Variants in ZFAND3 observed in about 807,000 individuals in gnomAD.
The protein encoded by ZFAND3 is zinc finger AN1-type containing 3, also known as AN1-type zinc finger protein 3.
In ZFAND3, 10 loss-of-function variants were observed where a neutral mutation model predicts 29.6. The ratio of observed to expected loss-of-function variants is 0.34; its 90% CI spans 0.21 to 0.57. The LOEUF is 0.57. ZFAND3 is among the 20% of genes least tolerant of loss of function. The probability of loss-of-function intolerance (pLI) is 0.86; values close to 1 mark genes in which losing one functional copy is unlikely to be tolerated. For synonymous variants in ZFAND3, 128 were observed against 112.6 expected (o/e 1.14, Z -0.87); for missense variants, 230 against 304.5 (o/e 0.76, Z 1.82).
At chr6:38,151,974 G>A (rs1433694687) in intron 5 of ZFAND3, among the ~76,000 whole-genome samples, 1 of 152,122 alleles carries the variant, frequency 6.6e-6, no homozygotes, top group Admixed American at 6.5e-5. Context: ...GCTGTGTCTC[G>A]CAGCCATCAA....
chr6:37,896,576 T>TTCTCTCTC (rs1206243927), intron 1 of ZFAND3, among the ~76,000 whole-genome samples: 1 of 138,904 alleles, frequency 7.2e-6, no homozygotes, highest in Non-Finnish European at 1.6e-5. Flanking sequence ...CTTTCTCTCT[T>TTCTCTCTC]TCTCTCTCTT....
At position 38,061,736 on chromosome 6, in the gene ZFAND3, C is replaced by G; in HGVS notation, c.256C>G (p.Pro86Ala). 6.2e-6 allele frequency: 10 copies of G among 1,614,164 alleles called. No homozygotes were observed. Among genetic ancestry groups the G allele is most frequent in the Non-Finnish European group, 8.5e-6 (10 of 1,180,018 alleles). The change falls in exon 3 of 6, where the codon CCG becomes GCG. Residue 86 changes from proline to alanine, a missense_variant. This residue lies in a region of ZFAND3 where 180 missense variants were observed against 202.5 expected (regional missense o/e 0.89). Coordinates refer to ENST00000287218, the MANE Select transcript of ZFAND3 (RefSeq NM_021943.3). The stretch of plus-strand genomic sequence containing the variant: ...TCTTAGTCCCAGCCAGCAGCCGCTT[C>G]CGACAGAACTGAATGTAACTTCACC... ...PTLSPSQQPL[P>A]TELNVTSPSK...
chr6:37,919,227 C>T (rs770952348), intron 1 of ZFAND3, among the ~76,000 whole-genome samples: 6 of 152,102 alleles, frequency 3.9e-5, no homozygotes, highest in Admixed American at 6.5e-5. Flanking sequence ...GGATTACAGG[C>T]GTGAGCCACC....
rs1340008108 is a variant in ZFAND3, at chr6:38,040,124, C to CT, written c.113-21462dup. Reference sequence around the variant, plus strand: ...GTACTTTATAAGCCTGCATTTTCTACTTTTTTTCGTTGTCTGTATGTAGAT... The same window carrying CT: ...GTACTTTATAAGCCTGCATTTTCTACTTTTTTTTCGTTGTCTGTATGTAGAT... On this transcript the variant is annotated intron_variant, in intron 2 of 5. Transcript: ENST00000287218. 7.2e-5 allele frequency among the ~76,000 whole-genome samples: 11 copies of CT among 152,168 alleles called. No individual in the cohort carries two copies. In the East Asian group the frequency reaches 2.1e-3, roughly 29 times the overall value.
intron 1 of ZFAND3, among the ~76,000 whole-genome samples, chr6:37,894,951 T>G (rs1388698349): frequency 2.0e-5 from 3 of 152,196 alleles, no homozygotes; most frequent in African/African-American, 4.8e-5. Flanking sequence ...TGGTTTTAAT[T>G]AAGCAGCTTT....
intron 1 of ZFAND3, among the ~76,000 whole-genome samples, chr6:37,829,424 T>G (rs1221095942): frequency 1.3e-5 from 2 of 151,864 alleles, no homozygotes; most frequent in African/African-American, 4.8e-5. Flanking sequence ...TAATCCCAGC[T>G]ACTCGGGAAG....
At chr6:38,138,284 A>G (rs1167450028) in intron 5 of ZFAND3, among the ~76,000 whole-genome samples, 1 of 152,242 alleles carries the variant, frequency 6.6e-6, no homozygotes, top group African/African-American at 2.4e-5. Flanking sequence ...GGAGAGGGTA[A>G]CAGAATGAGA....
Position 38,019,327 on chromosome 6 carries a change from A to C in ZFAND3, c.113-42266A>C, listed in dbSNP as rs993511761. On this transcript the variant is annotated intron_variant, in intron 2 of 5. Transcript: ENST00000287218. ...TATGTTGAGGTTGAACATTTTTAAT[A>C]CACTTAAAGAGTAATTCAGATTTCT... Among the ~76,000 whole-genome samples, 3 of 152,160 alleles carry C rather than the reference A, an allele frequency of 2.0e-5. No homozygotes were observed. In the East Asian group the frequency reaches 5.8e-4, roughly 29 times the overall value.
chr6:37,937,653 C>CAAAAAAAAAAAA (rs71542151), intron 2 of ZFAND3, among the ~76,000 whole-genome samples: 5 of 85,472 alleles, frequency 5.8e-5, no homozygotes, highest in African/African-American at 9.2e-5. Context: ...GACTCCGTCT[C>CAAAAAAAAAAAA]AAAAAAAAAA....
At chr6:37,875,809 C>G (rs1764782829) in intron 1 of ZFAND3, among the ~76,000 whole-genome samples, 1 of 150,386 alleles carries the variant, frequency 6.6e-6, no homozygotes, top group Non-Finnish European at 1.5e-5. Flanking sequence ...CAGGCATGCA[C>G]AACCATGCCT....
intron 2 of ZFAND3, among the ~76,000 whole-genome samples, chr6:37,953,573 C>T (rs151157286): frequency 0.016 from 2,446 of 150,862 alleles, 31 homozygotes; most frequent in Non-Finnish European, 0.026. Flanking sequence ...TCATCTTAGC[C>T]TTCGAATAAC....
intron 2 of ZFAND3, among the ~76,000 whole-genome samples, chr6:38,033,699 G>A (rs1027678749): frequency 1.4e-4 from 22 of 152,066 alleles, no homozygotes; most frequent in Admixed American, 1.4e-3. Flanking sequence ...TACATAATTA[G>A]CAACTGTGCC....
At chr6:37,847,143 G>T (rs867988346) in intron 1 of ZFAND3, among the ~76,000 whole-genome samples, 5 of 152,172 alleles carry the variant, frequency 3.3e-5, no homozygotes, top group African/African-American at 1.2e-4. Flanking sequence ...GATTTAATTT[G>T]CACCAGTTTG....
chr6:38,059,086 G>C (rs1764186963), intron 2 of ZFAND3, among the ~76,000 whole-genome samples: 2 of 152,228 alleles, frequency 1.3e-5, no homozygotes, highest in African/African-American at 4.8e-5. Context: ...AGTAGCGTTA[G>C]ATTTTTAAAA....
intron 4 of ZFAND3, among the ~76,000 whole-genome samples, chr6:38,083,427 C>T (rs1192622702): frequency 6.6e-6 from 1 of 152,042 alleles, no homozygotes; most frequent in Non-Finnish European, 1.5e-5. Context: ...CCCTCTTGTG[C>T]CCGGTTCCCA....
chr6:38,015,844 G>A (rs961376867), intron 2 of ZFAND3, among the ~76,000 whole-genome samples: 3 of 152,170 alleles, frequency 2.0e-5, no homozygotes, highest in Non-Finnish European at 4.4e-5. Flanking sequence ...AGTACACACA[G>A]ATTTTCAACT....
chr6:38,005,383 CTTAT>C (rs1296539332), intron 2 of ZFAND3, among the ~76,000 whole-genome samples: 2 of 152,142 alleles, frequency 1.3e-5, no homozygotes, highest in African/African-American at 4.8e-5. Context: ...GCAATCAAAT[CTTAT>C]TTATAGTGCC....
intron 1 of ZFAND3, among the ~76,000 whole-genome samples, chr6:37,910,996 G>A (rs773766081): frequency 3.5e-4 from 54 of 152,298 alleles, no homozygotes; most frequent in Non-Finnish European, 6.2e-4. Context: ...TAATGCTGCA[G>A]TTGAACATGG....
intron 4 of ZFAND3, among the ~76,000 whole-genome samples, chr6:38,091,726 C>T (rs1008564171): frequency 1.4e-5 from 2 of 145,494 alleles, no homozygotes; most frequent in South Asian, 4.4e-4. Context: ...CAGTTCCTGG[C>T]TCTACTAATA....
Sources: gnomAD v4.1 joint callset for allele counts (sites outside exome capture counted in the v4.1 genomes callset) on GRCh38, gnomAD v4.1.1 for gene constraint, gnomAD v4.1.1 regional missense constraint, MANE v1.5 for transcripts, NCBI Gene and HGNC (gene_info 2026-07-23, HGNC 2026-07-21) for gene names.